The following KIAA1328 variants were observed in gnomAD, a reference collection of about 807,000 sequenced individuals.
The protein encoded by KIAA1328 is KIAA1328.
KIAA1328 carries 52 observed loss-of-function variants against 68.1 expected under a neutral mutation model. That is an observed-to-expected ratio of 0.76 (90% CI 0.61 to 0.96). The LOEUF is 0.96. KIAA1328 is among the 40% of genes least tolerant of loss of function. The probability of loss-of-function intolerance (pLI) is 0.00; values close to 1 mark genes in which losing one functional copy is unlikely to be tolerated. For synonymous variants in KIAA1328, 232 were observed against 239.4 expected, an observed-to-expected ratio of 0.97 and a Z score of 0.28; for missense variants, 641 against 677.6, an observed-to-expected ratio of 0.95 and a Z score of 0.60.
rs2048413527 is a variant in KIAA1328 at position 36,884,028 on chromosome 18, A to T, written c.333-1529A>T. Among the ~76,000 whole-genome samples the T allele has an allele frequency of 2.7e-5, 4 of 149,860 alleles. No individual in the cohort carries two copies. The South Asian group carries it at 8.4e-4, about 31-fold the overall frequency. ...AAAGAAATTCTGGAACTTCAGTGGG[A>T]AATAATTTTTAAAATTGTCTAGTCT... On this transcript the variant is annotated intron_variant, in intron 4 of 9. Transcript: ENST00000280020.
rs1013944790 is a variant in KIAA1328, at chr18:36,886,007, G to A, written c.448+335G>A. 7.1e-5 allele frequency: 20 copies of A among 281,382 alleles called. No individual in the cohort carries two copies. In the Admixed American group the frequency reaches 7.8e-4, roughly 11 times the overall value. 17.4% of individuals were successfully genotyped at this position (281,382 alleles called of 1,614,324 possible). ...GCTAGGATTACAGGTGTGAGCCACC[G>A]TGCCTGGCCAGAAGTTTGACTATTT... is the stretch of plus-strand genomic sequence containing the variant. On this transcript the variant is annotated intron_variant, in intron 5 of 9. Transcript: ENST00000280020.
chr18:37,031,648 T>C (rs2151583626), intron 6 of KIAA1328, among the ~76,000 whole-genome samples: 1 of 152,364 alleles, frequency 6.6e-6, no homozygotes, highest in East Asian at 1.9e-4. Flanking sequence ...TTGGACTCTT[T>C]GGATCCTTTA....
At chr18:37,105,216 G>A (rs974690596) in intron 7 of KIAA1328, among the ~76,000 whole-genome samples, 5 of 152,076 alleles carry the variant, frequency 3.3e-5, no homozygotes, top group African/African-American at 7.2e-5. Flanking sequence ...GTAAGAGTAC[G>A]ACTAGGCGTG....
intron 6 of KIAA1328, among the ~76,000 whole-genome samples, chr18:37,059,676 G>T (rs1021424712): frequency 6.6e-6 from 1 of 152,084 alleles, no homozygotes; most frequent in Non-Finnish European, 1.5e-5. Context: ...TGACCCAGCA[G>T]TCCCATTACT....
At chr18:36,879,748 G>T (rs147254564) in intron 4 of KIAA1328, among the ~76,000 whole-genome samples, 1 of 152,098 alleles carries the variant, frequency 6.6e-6, no homozygotes, top group Non-Finnish European at 1.5e-5. Context: ...ATCTAGAGAG[G>T]CAGTCTGGCT....
chr18:37,106,977 C>G (rs1197913720), intron 7 of KIAA1328, among the ~76,000 whole-genome samples: 1 of 152,166 alleles, frequency 6.6e-6, no homozygotes, highest in Non-Finnish European at 1.5e-5. Context: ...GGTGCAGTAG[C>G]TCATGCTTGT....
intron 6 of KIAA1328, among the ~76,000 whole-genome samples, chr18:37,026,624 A>G (rs2054593145): frequency 6.6e-6 from 1 of 152,220 alleles, no homozygotes; most frequent in African/African-American, 2.4e-5. Context: ...GACAAAAACC[A>G]CATGATTATC....
intron 7 of KIAA1328, among the ~76,000 whole-genome samples, chr18:37,144,964 G>A (rs1323295627): frequency 6.6e-6 from 1 of 151,940 alleles, no homozygotes; most frequent in Non-Finnish European, 1.5e-5. Context: ...GCCGGTTTTG[G>A]TGGCTCATGC....
rs552103610 is a variant in KIAA1328, at chr18:36,977,629, A to AT, written c.576+18201dup. Among the ~76,000 whole-genome samples, 443 of 151,846 alleles carry AT rather than the reference A, an allele frequency of 2.9e-3. 3 individuals carry two copies. The highest frequency in any genetic ancestry group is 0.01 in the African/African-American group (422 of 41,396). ...TGGAACTGTGTGCCACCCTAACGTC[A>AT]TTTTTTTGTTTTTAAAACAAGGGAC... is the stretch of plus-strand genomic sequence containing the variant. On this transcript the variant is annotated intron_variant, in intron 6 of 9. Coordinates refer to ENST00000280020, the MANE Select transcript of KIAA1328 (RefSeq NM_020776.3).
chr18:36,837,674 A>G (rs951316542), intron 3 of KIAA1328, among the ~76,000 whole-genome samples: 3 of 152,088 alleles, frequency 2.0e-5, no homozygotes, highest in Admixed American at 6.5e-5. Flanking sequence ...CCAAGGTCAC[A>G]AATATTTGTG....
intron 9 of KIAA1328, among the ~76,000 whole-genome samples, chr18:37,178,355 C>T (rs1290422221): frequency 2.0e-5 from 3 of 152,004 alleles, no homozygotes; most frequent in African/African-American, 4.8e-5. Context: ...TTTTTGTGCC[C>T]GGCTTATTTC....
intron 6 of KIAA1328, among the ~76,000 whole-genome samples, chr18:37,015,069 AT>A (rs1275521109): frequency 6.6e-6 from 1 of 151,874 alleles, no homozygotes; most frequent in Non-Finnish European, 1.5e-5. Flanking sequence ...TGCCCAGCTA[AT>A]TTTAGTATTT....
At chr18:37,021,121 C>T (rs2054330371) in intron 6 of KIAA1328, among the ~76,000 whole-genome samples, 1 of 152,294 alleles carries the variant, frequency 6.6e-6, no homozygotes, top group South Asian at 2.1e-4. Flanking sequence ...GCTGCTCTTT[C>T]ATCTTCATTA....
chr18:37,153,714 A>G (rs2059091790), intron 7 of KIAA1328, among the ~76,000 whole-genome samples: 1 of 145,052 alleles, frequency 6.9e-6, no homozygotes, highest in African/African-American at 2.6e-5. Context: ...CAGAAACTGG[A>G]CAATATAGCA....
intron 6 of KIAA1328, among the ~76,000 whole-genome samples, chr18:36,988,548 C>T (rs991395983): frequency 2.4e-4 from 37 of 152,184 alleles, no homozygotes; most frequent in Non-Finnish European, 1.5e-4. Flanking sequence ...GTTTGGCAAG[C>T]TGCATTATTC....
chr18:37,155,483 C>T (rs1028226734), intron 7 of KIAA1328, among the ~76,000 whole-genome samples: 2 of 152,146 alleles, frequency 1.3e-5, no homozygotes, highest in African/African-American at 4.8e-5. Flanking sequence ...AAGTTCTACC[C>T]TTTTTAAATC....
At chr18:36,875,777 C>G (rs2048101398) in intron 4 of KIAA1328, among the ~76,000 whole-genome samples, 1 of 152,160 alleles carries the variant, frequency 6.6e-6, no homozygotes, top group Non-Finnish European at 1.5e-5. Context: ...CAGCTTTTCC[C>G]CAATCAGTAT....
chr18:36,971,500 A>C (rs2052210122), intron 6 of KIAA1328, among the ~76,000 whole-genome samples: 1 of 152,030 alleles, frequency 6.6e-6, no homozygotes, highest in Non-Finnish European at 1.5e-5. Flanking sequence ...GTGGTGGTGG[A>C]TGCCTGTAAT....
intron 7 of KIAA1328, among the ~76,000 whole-genome samples, chr18:37,114,357 A>G (rs1215167969): frequency 6.6e-6 from 1 of 152,234 alleles, no homozygotes; most frequent in East Asian, 1.9e-4. Flanking sequence ...TAAGAAACTC[A>G]TTCAAAACCG....
Sources: gnomAD v4.1 joint callset for allele counts (sites outside exome capture counted in the v4.1 genomes callset) on GRCh38, gnomAD v4.1.1 for gene constraint, MANE v1.5 for transcripts, NCBI Gene and HGNC (gene_info 2026-07-23, HGNC 2026-07-21) for gene names.